EFL1: variants seen among roughly 807,000 people sequenced by gnomAD.
The protein encoded by EFL1 is elongation factor-like GTPase 1.
EFL1 carries 76 observed loss-of-function variants against 126.7 expected under a neutral mutation model. The observed-to-expected ratio is 0.60, with a 90% confidence interval of 0.50 to 0.73. EFL1 has a LOEUF of 0.73. EFL1 is among the 30% of genes least tolerant of loss of function. The pLI, the probability that EFL1 is intolerant of heterozygous loss-of-function variation, is 0.00. For synonymous variants in EFL1, 410 were observed against 448.4 expected (o/e 0.91, Z 1.08); for missense variants, 1,128 against 1,343.2 (o/e 0.84, Z 2.50).
chr15:82,158,692 G>A (rs1043769187), intron 16 of EFL1, among the ~76,000 whole-genome samples: 2 of 152,206 alleles, frequency 1.3e-5, no homozygotes, highest in African/African-American at 4.8e-5. Context: ...GGAACTTTCT[G>A]CAATGCAATG....
intron 17 of EFL1, among the ~76,000 whole-genome samples, chr15:82,156,532 C>T (rs931456252): frequency 6.6e-6 from 1 of 152,164 alleles, no homozygotes; most frequent in African/African-American, 2.4e-5. Context: ...ATCTGCCCGC[C>T]CTGGCCTCCC....
intron 7 of EFL1, among the ~76,000 whole-genome samples, chr15:82,233,280 A>G (rs2074841275): frequency 6.6e-6 from 1 of 152,198 alleles, no homozygotes; most frequent in South Asian, 2.1e-4. Flanking sequence ...GTCATTAGTT[A>G]CAATTTTTAA....
chr15:82,233,088 C>T (rs1352663488), intron 7 of EFL1, among the ~76,000 whole-genome samples: 3 of 152,100 alleles, frequency 2.0e-5, no homozygotes, highest in Non-Finnish European at 2.9e-5. Context: ...TGCCCATTTG[C>T]TTAGGCTAGG....
chr15:82,160,481 A>T (rs1353490372), intron 16 of EFL1, among the ~76,000 whole-genome samples: 3 of 152,342 alleles, frequency 2.0e-5, no homozygotes, highest in East Asian at 1.9e-4. Flanking sequence ...TCACAAATCA[A>T]TATTATCTAT....
chr15:82,206,096 T>C (rs1056486531), intron 15 of EFL1, among the ~76,000 whole-genome samples: 2 of 152,202 alleles, frequency 1.3e-5, no homozygotes, highest in African/African-American at 4.8e-5. Flanking sequence ...TCGCAAAGCA[T>C]TGAATTAGAG....
In EFL1 at chr15:82,151,496, T is replaced by C. The variant is rs772956617; in HGVS notation, c.2958A>G (p.Thr986=). 2 of 1,613,508 alleles carry C rather than the reference T, an allele frequency of 1.2e-6. No homozygotes were observed. Among genetic ancestry groups the C allele is most frequent in the South Asian group, 1.1e-5 (1 of 90,944 alleles). ...KPQRLMAAMY[T]CDIMATGDVL... is the part of the protein sequence containing the mutation. ...CATCACCAGTGGCCATGATGTCACA[T>C]GTGTACATAGCTGCCATCAGGCGCT... Residue 986 remains threonine (T), a synonymous_variant, in exon 18 of 20, where the codon ACA becomes ACG. Coordinates refer to ENST00000268206, the MANE Select transcript of EFL1 (RefSeq NM_024580.6).
chr15:82,225,902 A>G (rs1209167525), intron 11 of EFL1, among the ~76,000 whole-genome samples: 2 of 152,340 alleles, frequency 1.3e-5, no homozygotes, highest in Non-Finnish European at 2.9e-5. Flanking sequence ...TTTTTTTAAA[A>G]CAATTCCATC....
intron 15 of EFL1, among the ~76,000 whole-genome samples, chr15:82,190,572 G>A (rs2074349054): frequency 6.6e-6 from 1 of 152,024 alleles, no homozygotes; most frequent in Non-Finnish European, 1.5e-5. Flanking sequence ...CAAATCGGTG[G>A]TCTCCATAAA....
intron 19 of EFL1, among the ~76,000 whole-genome samples, chr15:82,132,158 T>C (rs956262575): frequency 5.3e-5 from 8 of 152,132 alleles, no homozygotes; most frequent in African/African-American, 1.9e-4. Context: ...GAATGGGAGG[T>C]GTGAGCCACA....
chr15:82,233,943 C>G lies in EFL1; in HGVS notation c.732-2972G>C, dbSNP rs72749595. On this transcript the variant is annotated intron_variant, in intron 7 of 19. Transcript: ENST00000268206. ...TGCTTTCATTTCCACCACTACTTTC[C>G]CATAAATTCACATATCAACTTGTTG... is the stretch of plus-strand genomic sequence containing the variant. Among the ~76,000 whole-genome samples the G allele has an allele frequency of 6.9e-3, 1,050 of 152,290 alleles. 9 individuals are homozygous for G. Among genetic ancestry groups the G allele is most frequent in the Non-Finnish European group, 8.2e-3 (556 of 68,024 alleles).
chr15:82,252,739 G>A lies in EFL1; in HGVS notation c.196C>T (p.Arg66Ter), dbSNP rs2075033849. Residue 66 changes from arginine to a stop codon, truncating the protein, a stop_gained, in exon 4 of 20, where the codon CGA (arginine) becomes TGA (stop). Transcript: ENST00000268206. LOFTEE classifies it high-confidence loss of function. ...YMDSREDEQI[R>*]GITMKSSAIS... is the part of the protein sequence containing the mutation. ...GCACTGGATTTCATAGTGATCCCTC[G>A]GATCTGTTCATCTTCTCTGCTGTCC... 2 of 1,612,316 alleles carry A rather than the reference G, an allele frequency of 1.2e-6. No homozygotes were observed. The highest frequency in any genetic ancestry group is 1.3e-5 in the African/African-American group (1 of 74,858).
At position 82,226,254 on chromosome 15, in the gene EFL1, C is replaced by T. The variant is rs550149958; in HGVS notation, c.1193-990G>A. 1.8e-4 allele frequency among the ~76,000 whole-genome samples: 28 copies of T among 152,194 alleles called. No individual in the cohort carries two copies. In the Middle Eastern group the frequency reaches 0.01, roughly 55 times the overall value. On this transcript the variant is annotated intron_variant, in intron 11 of 19. Transcript: ENST00000268206. ...CGTTATCTCGGCTCACTGCAACCTC[C>T]GCCTCCCAGGTTCAAGCGATCCTCC...
chr15:82,193,804 T>C (rs544886915), intron 15 of EFL1, among the ~76,000 whole-genome samples: 170 of 152,292 alleles, frequency 1.1e-3, no homozygotes, highest in Middle Eastern at 3.4e-3. Context: ...GCTCAATCAA[T>C]TGAATGTGCT....
At chr15:82,132,567 A>G (rs2073663657) in intron 19 of EFL1, among the ~76,000 whole-genome samples, 1 of 151,700 alleles carries the variant, frequency 6.6e-6, no homozygotes, top group African/African-American at 2.4e-5. Flanking sequence ...AGGCATTATC[A>G]GCACTAGAGT....
chr15:82,142,193 T>C (rs2073796477), intron 18 of EFL1, among the ~76,000 whole-genome samples: 1 of 152,206 alleles, frequency 6.6e-6, no homozygotes, highest in African/African-American at 2.4e-5. Context: ...ATCACTTGTT[T>C]GTTCAGTCAC....
At chr15:82,192,514 A>T (rs2074369757) in intron 15 of EFL1, among the ~76,000 whole-genome samples, 1 of 152,216 alleles carries the variant, frequency 6.6e-6, no homozygotes, top group Admixed American at 6.5e-5. Flanking sequence ...TTTAGCAGTG[A>T]CAAAAATTAG....
chr15:82,180,990 A>G (rs1324614976), intron 15 of EFL1, among the ~76,000 whole-genome samples: 1 of 152,146 alleles, frequency 6.6e-6, no homozygotes, highest in Non-Finnish European at 1.5e-5. Flanking sequence ...GGCCTCCTGA[A>G]GTGCTGGGAT....
chr15:82,225,299 TC>T (rs2074751560), intron 11 of EFL1, 35 bp from the exon 12 acceptor site: 6 of 1,431,858 alleles, frequency 4.2e-6, no homozygotes, highest in Non-Finnish European at 5.7e-6. Context: ...TCACTATTTT[TC>T]CCATTATTAA....
intron 4 of EFL1, among the ~76,000 whole-genome samples, chr15:82,246,046 A>T (rs1330697402): frequency 6.6e-6 from 1 of 152,092 alleles, no homozygotes; most frequent in East Asian, 1.9e-4. Context: ...CCCGACCCGA[A>T]GACCTCTCCA....
Sources: allele counts gnomAD v4.1 joint callset (sites outside exome capture counted in the v4.1 genomes callset), GRCh38; gene constraint gnomAD v4.1.1; transcripts MANE v1.5; gene names NCBI Gene and HGNC (gene_info 2026-07-23, HGNC 2026-07-21).